Variants in ZDHHC14 observed in about 807,000 individuals in gnomAD.
The protein encoded by ZDHHC14 is zDHHC palmitoyltransferase 14.
In ZDHHC14, 16 loss-of-function variants were observed where a neutral mutation model predicts 47.7. That is an observed-to-expected ratio of 0.34 (90% CI 0.23 to 0.51). The LOEUF (loss-of-function observed/expected upper bound fraction) is 0.51. Ranked by LOEUF, ZDHHC14 falls within the 20% of genes least tolerant of loss-of-function variation. The pLI, the probability that ZDHHC14 is intolerant of heterozygous loss-of-function variation, is 0.97. For synonymous variants in ZDHHC14, 293 were observed against 278.9 expected (o/e 1.05, Z -0.50); for missense variants, 515 against 662.5 (o/e 0.78, Z 2.44).
chr6:157,504,781 A>G (rs1780282906), intron 1 of ZDHHC14, among the ~76,000 whole-genome samples: 1 of 120,712 alleles, frequency 8.3e-6, no homozygotes, highest in Non-Finnish European at 1.8e-5. Context: ...GTAAAATACC[A>G]TGTGTTTTGT....
chr6:157,670,554 C>T lies in ZDHHC14; in HGVS notation c.1069-2170C>T, dbSNP rs145956493. 3.6e-3 allele frequency among the ~76,000 whole-genome samples: 543 copies of T among 152,256 alleles called. 4 individuals are homozygous for T. The highest frequency in any genetic ancestry group is 0.012 in the African/African-American group (497 of 41,548). On this transcript the variant is annotated intron_variant, in intron 8 of 8. Transcript: ENST00000359775. The stretch of plus-strand genomic sequence containing the variant: ...GGTGATCCTGCCTGCCTTAGCCCCC[C>T]AAAGTGCTGGGATTATAGGCATGAG...
intron 1 of ZDHHC14, among the ~76,000 whole-genome samples, chr6:157,435,285 T>C (rs1778415669): frequency 6.6e-6 from 1 of 152,050 alleles, no homozygotes; most frequent in Non-Finnish European, 1.5e-5. Context: ...ATGAGGTAAG[T>C]ATAGAAATCC....
Position 157,673,217 on chromosome 6 carries a change from T to G in ZDHHC14, c.*95T>G. 1 of 1,437,390 alleles carries G rather than the reference T, an allele frequency of 7.0e-7. No individual in the cohort carries two copies. The highest frequency in any genetic ancestry group is 9.1e-7 in the Non-Finnish European group (1 of 1,099,150). The allele number at this position is 1,437,390 out of a possible 1,614,324, so 89.0% of individuals were successfully genotyped here. A position where few individuals can be genotyped will look rare whatever the true frequency, so the allele number is the denominator to read the frequency against. ...GTCCCACAGCGACTTTCCCAGCCAA[T>G]GCCACGGTGGAGATGACAGCCCCAG... On this transcript the variant is annotated 3_prime_UTR_variant, in exon 9 of 9. Coordinates refer to ENST00000359775, the MANE Select transcript of ZDHHC14 (RefSeq NM_024630.3). This position sits in a 1 kb window ranked among gnomAD's most constrained non-coding sequence, Gnocchi z 5.4.
At position 157,637,570 on chromosome 6, in the gene ZDHHC14, A is replaced by T. The variant is rs1219192828; in HGVS notation, c.752+4688A>T. ...TTTGTCCTCTCCAAATCTGTACTCC[A>T]TCCAGAGCAAGAATCTGTAAAGTCC... is the stretch of plus-strand genomic sequence containing the variant. On this transcript the variant is annotated intron_variant, in intron 5 of 8. Transcript: ENST00000359775. Among the ~76,000 whole-genome samples the T allele has an allele frequency of 3.9e-5, 6 of 152,176 alleles. 1 individual carries two copies. The highest frequency in any genetic ancestry group is 9.7e-5 in the African/African-American group (4 of 41,438).
chr6:157,654,629 C>T (rs1386003041), intron 8 of ZDHHC14, among the ~76,000 whole-genome samples: 2 of 152,008 alleles, frequency 1.3e-5, no homozygotes, highest in African/African-American at 2.4e-5. Flanking sequence ...TCCACAGCTG[C>T]GTGAACTAGA....
Position 157,542,802 on chromosome 6 carries a change from A to G in ZDHHC14, c.406+57A>G, listed in dbSNP as rs562144916. The G allele has an allele frequency of 1.9e-5, 30 of 1,582,578 alleles. No individual in the cohort carries two copies. The African/African-American group carries it at 3.1e-4, about 16-fold the overall frequency. On this transcript the variant is annotated intron_variant, in intron 2 of 8. Coordinates refer to ENST00000359775, the MANE Select transcript of ZDHHC14 (RefSeq NM_024630.3). Reference sequence around the variant, plus strand: ...TCACTTCCCGCCTGGGCCCAGCTACAGTGGGGACGGCAGGCCGAGGGCTGT... The same window carrying G: ...TCACTTCCCGCCTGGGCCCAGCTACGGTGGGGACGGCAGGCCGAGGGCTGT...
chr6:157,458,263 G>C (rs927555499), intron 1 of ZDHHC14, among the ~76,000 whole-genome samples: 6 of 152,042 alleles, frequency 3.9e-5, no homozygotes, highest in Non-Finnish European at 7.4e-5. Flanking sequence ...TTTTTCATTC[G>C]GTGTAGCATT....
At chr6:157,467,519 A>T (rs1426414903) in intron 1 of ZDHHC14, among the ~76,000 whole-genome samples, 2 of 39,326 alleles carry the variant, frequency 5.1e-5, no homozygotes, top group East Asian at 1.8e-3. Flanking sequence ...TCCTCATTTT[A>T]TTTATTTATT....
At chr6:157,434,403 A>T (rs1348189224) in intron 1 of ZDHHC14, among the ~76,000 whole-genome samples, 1 of 151,972 alleles carries the variant, frequency 6.6e-6, no homozygotes, top group African/African-American at 2.4e-5. Context: ...AGACAGGTGG[A>T]TGTTTCCTCT....
chr6:157,591,766 C>G (rs781412078), intron 2 of ZDHHC14, among the ~76,000 whole-genome samples: 8 of 152,196 alleles, frequency 5.3e-5, no homozygotes, highest in Non-Finnish European at 8.8e-5. Context: ...GGACTGATTC[C>G]TACCACTTTG....
chr6:157,480,265 T>C (rs1583687991), intron 1 of ZDHHC14, among the ~76,000 whole-genome samples: 4 of 148,052 alleles, frequency 2.7e-5, no homozygotes, highest in Admixed American at 1.3e-4. Flanking sequence ...TTGGGTTTTT[T>C]TTTTTTTGCT....
At chr6:157,566,562 C>T (rs1041056390) in intron 2 of ZDHHC14, among the ~76,000 whole-genome samples, 3 of 152,236 alleles carry the variant, frequency 2.0e-5, no homozygotes, top group Non-Finnish European at 2.9e-5. Context: ...CAGACGGCCA[C>T]TTCTGCTCTT....
At chr6:157,633,031 A>G in intron 5 of ZDHHC14, 149 bp downstream of exon 5, 1 of 838,092 alleles carries the variant, frequency 1.2e-6, no homozygotes, top group Admixed American at 1.8e-5. Flanking sequence ...TGGCACGAGT[A>G]GTAGCTTCTG....
chr6:157,410,756 G>T (rs867030928), intron 1 of ZDHHC14, among the ~76,000 whole-genome samples: 1 of 152,116 alleles, frequency 6.6e-6, no homozygotes, highest in South Asian at 2.1e-4. Context: ...GAGTGCAGTG[G>T]CATGATCTTG....
chr6:157,644,487 A>G (rs901624433), intron 5 of ZDHHC14, among the ~76,000 whole-genome samples: 2 of 152,192 alleles, frequency 1.3e-5, no homozygotes, highest in African/African-American at 4.8e-5. Context: ...GAGCAGACCC[A>G]GTGGTTTAGT....
intron 7 of ZDHHC14, among the ~76,000 whole-genome samples, chr6:157,653,100 G>A (rs531128972): frequency 2.6e-5 from 4 of 152,266 alleles, no homozygotes; most frequent in African/African-American, 7.2e-5. Context: ...CGTGGCAGGC[G>A]GTCATTTCCC....
rs1414091667 is a variant in ZDHHC14 at position 157,427,873 on chromosome 6, T to C, written c.245+45607T>C. On this transcript the variant is annotated intron_variant, in intron 1 of 8. Transcript: ENST00000359775. This position sits in a 1 kb window ranked among gnomAD's most constrained non-coding sequence, Gnocchi z 4.4. Reference sequence around the variant, plus strand: ...TGGTGGGGCTCTAGTCTTCATCTTTTCTCAGTAACAGCATAAAGGATGAAT... The same window carrying C: ...TGGTGGGGCTCTAGTCTTCATCTTTCCTCAGTAACAGCATAAAGGATGAAT... 1.3e-5 allele frequency among the ~76,000 whole-genome samples: 2 copies of C among 152,144 alleles called. No homozygotes were observed. The highest frequency in any genetic ancestry group is 2.9e-5 in the Non-Finnish European group (2 of 68,030).
chr6:157,662,479 G>A (rs1205197130), intron 8 of ZDHHC14, among the ~76,000 whole-genome samples: 1 of 152,260 alleles, frequency 6.6e-6, no homozygotes, highest in Non-Finnish European at 1.5e-5. Flanking sequence ...CCCGCGCCCA[G>A]CCTGGAGGTG....
chr6:157,646,719 A>G (rs1009442341), intron 6 of ZDHHC14, among the ~76,000 whole-genome samples: 1 of 152,196 alleles, frequency 6.6e-6, no homozygotes, highest in African/African-American at 2.4e-5. Flanking sequence ...CTCTATCCAC[A>G]CTTGAATTAA....
Sources: allele counts gnomAD v4.1 joint callset (sites outside exome capture counted in the v4.1 genomes callset), GRCh38; gene constraint gnomAD v4.1.1; non-coding constraint Gnocchi (gnomAD v3.1); transcripts MANE v1.5; gene names NCBI Gene and HGNC (gene_info 2026-07-23, HGNC 2026-07-21).